The following POC1B variants were observed in gnomAD, a reference collection of about 807,000 sequenced individuals.
The protein encoded by POC1B is POC1 centriolar protein homolog B.
Under a neutral mutation model 60.6 loss-of-function variants are expected in POC1B, and 44 were observed. The ratio of observed to expected loss-of-function variants is 0.73; its 90% CI spans 0.57 to 0.93. The LOEUF (loss-of-function observed/expected upper bound fraction) is 0.93. Ranked by LOEUF, POC1B falls within the 40% of genes least tolerant of loss-of-function variation. The probability of loss-of-function intolerance (pLI) is 0.00; values close to 1 mark genes in which losing one functional copy is unlikely to be tolerated. For missense variants in POC1B, 555 were observed against 572.3 expected, an observed-to-expected ratio of 0.97 and a Z score of 0.31; for synonymous variants, 180 against 198.9, an observed-to-expected ratio of 0.90 and a Z score of 0.80.
rs1555181922 is a variant in POC1B, at chr12:89,459,624, A to AAG, written c.1113+13_1113+14insCT. 1.4e-6 allele frequency: 2 copies of AAG among 1,398,530 alleles called. No individual in the cohort carries two copies. The highest frequency in any genetic ancestry group is 1.9e-6 in the Non-Finnish European group (2 of 1,036,772). 86.6% of individuals were successfully genotyped at this position (1,398,530 alleles called of 1,614,324 possible). ...CACTTAAGTGTCAAAAAAAAAAAAA[A>AAG]AAACCCGACTTACTGTGGTAGAATC... is the stretch of plus-strand genomic sequence containing the variant. On this transcript the variant is annotated intron_variant, in intron 10 of 11. Coordinates refer to ENST00000313546, the MANE Select transcript of POC1B (RefSeq NM_172240.3).
At chr12:89,525,243 G>A in intron 1 of POC1B, 39 bp from the exon 2 acceptor site, 1 of 1,587,032 alleles carries the variant, frequency 6.3e-7, no homozygotes, top group Non-Finnish European at 8.6e-7. Flanking sequence ...AGCCGCCGCA[G>A]ACCTCGAATT....
intron 1 of POC1B, 25 bp downstream of exon 1, chr12:89,525,853 ACCC>A (rs67346689): frequency 1.4e-6 from 2 of 1,407,468 alleles, no homozygotes; most frequent in Non-Finnish European, 1.9e-6. Context: ...CCAGGGAGGG[ACCC>A]CCCCCACCTC....
At chr12:89,490,747 C>T (rs1868922354) in intron 4 of POC1B, among the ~76,000 whole-genome samples, 1 of 152,210 alleles carries the variant, frequency 6.6e-6, no homozygotes, top group Non-Finnish European at 1.5e-5. Context: ...CAGGTAACAA[C>T]ACCTACAATA....
intron 2 of POC1B, among the ~76,000 whole-genome samples, chr12:89,507,777 C>T (rs1012283363): frequency 2.6e-5 from 4 of 152,180 alleles, no homozygotes; most frequent in South Asian, 2.1e-4. Flanking sequence ...AATGGCCACC[C>T]GTCTTTGTGT....
intron 4 of POC1B, among the ~76,000 whole-genome samples, chr12:89,488,650 C>T (rs1868774699): frequency 6.6e-6 from 1 of 152,022 alleles, no homozygotes; most frequent in Non-Finnish European, 1.5e-5. Context: ...CCACGCCCAG[C>T]TAATTTTTGT....
intron 4 of POC1B, chr12:89,472,483 T>C (rs548047679): frequency 1.0e-4 from 43 of 422,448 alleles, no homozygotes; most frequent in African/African-American, 7.1e-4. Context: ...ATATGCTATG[T>C]AGACTAACCA....
intron 3 of POC1B, 72 bp from the exon 4 acceptor site, chr12:89,492,187 C>T: frequency 8.4e-7 from 1 of 1,184,682 alleles, no homozygotes. Flanking sequence ...ACAATACAGA[C>T]TTTGAAACAT....
chr12:89,490,351 G>GT (rs944378884), intron 4 of POC1B, among the ~76,000 whole-genome samples: 1 of 151,968 alleles, frequency 6.6e-6, no homozygotes, highest in Non-Finnish European at 1.5e-5. Context: ...TTGTTTGTTT[G>GT]TTTTTTTGAG....
intron 4 of POC1B, among the ~76,000 whole-genome samples, chr12:89,477,600 G>A (rs1476739482): frequency 2.6e-5 from 4 of 151,946 alleles, no homozygotes; most frequent in African/African-American, 9.7e-5. Context: ...GAAACTCGGG[G>A]GTCTGGCTTG....
intron 7 of POC1B, among the ~76,000 whole-genome samples, chr12:89,469,576 C>A (rs34983446): frequency 6.6e-6 from 1 of 152,274 alleles, no homozygotes; most frequent in South Asian, 2.1e-4. Context: ...AATGGCTACT[C>A]CCAAAGGCAG....
chr12:89,427,929 T>C (rs918534447), intron 10 of POC1B: 4 of 152,228 alleles, frequency 2.6e-5, no homozygotes, highest in Admixed American at 6.5e-5. Flanking sequence ...CACCTATTCA[T>C]GCTCTGAGCT....
intron 9 of POC1B, 63 bp from the exon 10 acceptor site, chr12:89,459,781 G>T: frequency 2.1e-6 from 2 of 941,940 alleles, no homozygotes; most frequent in Non-Finnish European, 3.1e-6. Context: ...AATACTATTT[G>T]TAAAAACCTG....
intron 11 of POC1B, 46 bp downstream of exon 11, chr12:89,425,115 G>A (rs1274215103): frequency 6.3e-7 from 1 of 1,582,766 alleles, no homozygotes. Context: ...ATTGTTTTGT[G>A]TATTTTACCC....
At position 89,466,803 on chromosome 12, in the gene POC1B, T is replaced by C. The variant is rs757325564; in HGVS notation, c.999A>G (p.Pro333=). 6.2e-6 allele frequency: 10 copies of C among 1,612,938 alleles called. No homozygotes were observed. In the Admixed American group the frequency reaches 1.7e-4, roughly 27 times the overall value. ...TCTCAACTTTTTCCTCATGGGGATG[T>C]GGTGTTCTTGGGTAGATATCAAGAA... ...PHLLDIYPRT[P]HPHEEKVETV... The change falls in exon 9 of 12, where the codon CCA becomes CCG. Residue 333 remains proline, a synonymous_variant. Coordinates refer to ENST00000313546, the MANE Select transcript of POC1B (RefSeq NM_172240.3).
In POC1B at chr12:89,517,485, T is replaced by G. The variant is rs371660709; in HGVS notation, c.100+7635A>C. 7.8e-4 allele frequency among the ~76,000 whole-genome samples: 119 copies of G among 152,068 alleles called. 3 individuals are homozygous for G. The South Asian group carries it at 0.015, about 19-fold the overall frequency. On this transcript the variant is annotated intron_variant, in intron 2 of 11. Transcript: ENST00000313546. ...CCATCTCTACTAAAAATACAAAAAT[T>G]AGCCAGGCATTATGGCATGCACCTA... is the stretch of plus-strand genomic sequence containing the variant.
intron 11 of POC1B, among the ~76,000 whole-genome samples, chr12:89,422,782 C>T (rs963591695): frequency 3.3e-5 from 5 of 152,136 alleles, no homozygotes; most frequent in Admixed American, 6.5e-5. Context: ...AGAGTTCATA[C>T]AGGAAAGGCA....
intron 4 of POC1B, among the ~76,000 whole-genome samples, chr12:89,478,067 G>T (rs1325542666): frequency 6.6e-6 from 1 of 151,704 alleles, no homozygotes; most frequent in African/African-American, 2.4e-5. Context: ...TCTTGGAGTT[G>T]CCCACAACCA....
chr12:89,442,081 G>A (rs1041298425), intron 10 of POC1B, among the ~76,000 whole-genome samples: 1 of 152,116 alleles, frequency 6.6e-6, no homozygotes, highest in Non-Finnish European at 1.5e-5. Flanking sequence ...AATGAACAAA[G>A]CCTCCAAGAA....
At chr12:89,429,979 A>G (rs1402121449) in intron 10 of POC1B, among the ~76,000 whole-genome samples, 1 of 152,186 alleles carries the variant, frequency 6.6e-6, no homozygotes, top group Non-Finnish European at 1.5e-5. Flanking sequence ...CAAGTCAGAC[A>G]TGGTATCTTC....
Sources: gnomAD v4.1 joint callset for allele counts (sites outside exome capture counted in the v4.1 genomes callset) on GRCh38, gnomAD v4.1.1 for gene constraint, MANE v1.5 for transcripts, NCBI Gene and HGNC (gene_info 2026-07-23, HGNC 2026-07-21) for gene names.